The following RUSC2 variants were observed in gnomAD, a reference collection of about 807,000 sequenced individuals.
The protein encoded by RUSC2 is AP-4 complex accessory subunit RUSC2.
A neutral mutation model predicts 122.2 loss-of-function variants in RUSC2; 34 were observed. The observed-to-expected ratio is 0.28, with a 90% CI of 0.21 to 0.37. RUSC2 has a LOEUF of 0.37. RUSC2 is among the 10% of genes least tolerant of loss of function. The pLI, the probability that RUSC2 is intolerant of heterozygous loss-of-function variation, is 1.00. For missense variants in RUSC2, 1,747 were observed against 1,952.4 expected, an observed-to-expected ratio of 0.89 and a Z score of 1.98; for synonymous variants, 784 against 790.0, an observed-to-expected ratio of 0.99 and a Z score of 0.13.
chr9:35,545,284 A>G (rs761574671), intron 1 of RUSC2, among the ~76,000 whole-genome samples: 11 of 152,246 alleles, frequency 7.2e-5, no homozygotes, highest in Non-Finnish European at 1.6e-4. Context: ...GTGAGTGAAA[A>G]GGAAATGATA....
chr9:35,503,051 A>G (rs1003810757), intron 1 of RUSC2, among the ~76,000 whole-genome samples: 2 of 151,990 alleles, frequency 1.3e-5, no homozygotes, highest in Non-Finnish European at 1.5e-5. Context: ...TAGTAGAGAT[A>G]GGGTTTCATC....
rs773057788 is a variant in RUSC2, at chr9:35,558,378, G to T, written c.3235+7G>T. 4 of 1,613,838 alleles carry T rather than the reference G, an allele frequency of 2.5e-6. No individual in the cohort carries two copies. On this transcript the variant is annotated splice_region_variant and intron_variant, in intron 7 of 11. Transcript: ENST00000361226. The surrounding 1 kb of genome is among the most constrained non-coding windows in gnomAD (Gnocchi z 4.3). ...GAGGCTTCCACACAGCTAGGTAGGT[G>T]CTGGGTGCCAAGACGGGGACCCAGG... is the stretch of plus-strand genomic sequence containing the variant.
chr9:35,549,162 A>G, intron 2 of RUSC2: 1 of 985,434 alleles, frequency 1.0e-6, no homozygotes, highest in Non-Finnish European at 1.2e-6. Flanking sequence ...GGCCATGGAT[A>G]GGGGCTGTAA....
intron 1 of RUSC2, among the ~76,000 whole-genome samples, chr9:35,495,655 C>T (rs1043521738): frequency 2.0e-5 from 3 of 152,018 alleles, no homozygotes; most frequent in African/African-American, 7.2e-5. Context: ...TGTTCAGGAT[C>T]CCTTAAGATT....
rs1311740790 is a variant in RUSC2 at position 35,546,707 on chromosome 9, T to A, written c.186T>A (p.Ala62=). ...AGCCCGATCAAGACCTAGGACAAGC[T>A]GACTCCCTGCTATTCAGCAGCCTGC... ...ITQPDQDLGQ[A]DSLLFSSLHS... The change falls in exon 2 of 12, where the codon GCT becomes GCA. Residue 62 remains alanine, a synonymous_variant. Coordinates refer to ENST00000361226, the MANE Select transcript of RUSC2 (RefSeq NM_014806.5). This position sits in a 1 kb window ranked among gnomAD's most constrained non-coding sequence, Gnocchi z 4.3. 1 of 1,561,402 alleles carries A rather than the reference T, an allele frequency of 6.4e-7. No homozygotes were observed. Among genetic ancestry groups the A allele is most frequent in the Non-Finnish European group, 8.7e-7 (1 of 1,154,362 alleles).
At chr9:35,552,686 T>C (rs1190440115) in intron 2 of RUSC2, among the ~76,000 whole-genome samples, 1 of 152,230 alleles carries the variant, frequency 6.6e-6, no homozygotes, top group Admixed American at 6.5e-5. Flanking sequence ...TCCATTGAGT[T>C]CTGGGTACCA....
At chr9:35,541,045 T>C (rs1821633025) in intron 1 of RUSC2, among the ~76,000 whole-genome samples, 1 of 152,092 alleles carries the variant, frequency 6.6e-6, no homozygotes, top group South Asian at 2.1e-4. Context: ...AGTATTATAA[T>C]AGGACAAGAG....
rs930356108 is a variant in RUSC2, at chr9:35,518,721, G to A, written c.-92-27709G>A. ...CAGATTTTCAAGGAATTTGATGTAC[G>A]TGCTAAAAACTATACAGATCGGTTG... On this transcript the variant is annotated intron_variant, in intron 1 of 11. Coordinates refer to ENST00000361226, the MANE Select transcript of RUSC2 (RefSeq NM_014806.5). Among the ~76,000 whole-genome samples, 8 of 152,128 alleles carry A rather than the reference G, an allele frequency of 5.3e-5. 1 individual carries two copies. The South Asian group carries it at 6.2e-4, about 12-fold the overall frequency.
In RUSC2 at chr9:35,561,114, G is replaced by A. The variant is rs755537691; in HGVS notation, c.4349+17G>A. ...TCCTCCGTGGTAAGCCTGGGGAAAC[G>A]GAAGGGCTGAGGGGGGCGGGGGGCT... On this transcript the variant is annotated intron_variant, in intron 11 of 11. Transcript: ENST00000361226. 2.0e-5 allele frequency: 32 copies of A among 1,613,662 alleles called. No individual in the cohort carries two copies. The highest frequency in any genetic ancestry group is 9.3e-5 in the African/African-American group (7 of 74,934).
chr9:35,491,065 T>C (rs544713329), intron 1 of RUSC2, among the ~76,000 whole-genome samples: 49 of 150,210 alleles, frequency 3.3e-4, no homozygotes, highest in African/African-American at 1.1e-3. Flanking sequence ...TACCACTATG[T>C]GAACAGTGTC....
At chr9:35,559,080 C>T (rs754562847) in intron 8 of RUSC2, 146 bp from the exon 9 acceptor site, 66 of 712,516 alleles carry the variant, frequency 9.3e-5, no homozygotes, top group Non-Finnish European at 1.4e-4. Flanking sequence ...CCACACATCC[C>T]CACTGACTTT....
At chr9:35,517,534 G>A (rs538751461) in intron 1 of RUSC2, among the ~76,000 whole-genome samples, 2 of 152,290 alleles carry the variant, frequency 1.3e-5, no homozygotes, top group Admixed American at 1.3e-4. Flanking sequence ...CTTTGTGGCT[G>A]CTAGATAGAC....
In RUSC2 at chr9:35,547,361, G is replaced by T; in HGVS notation, c.840G>T (p.Val280=). 6.2e-7 allele frequency: 1 copy of T among 1,614,150 alleles called. No individual in the cohort carries two copies. Residue 280 remains valine (V), a synonymous_variant, in exon 2 of 12, where the codon GTG becomes GTT. Transcript: ENST00000361226. This position sits in a 1 kb window ranked among gnomAD's most constrained non-coding sequence, Gnocchi z 4.6. ...CCTCCTGCAACAGTTCAGATGGTGT[G>T]CTGGTCACCTTCAGCACCCTCTACA... is the stretch of plus-strand genomic sequence containing the variant. ...SDSSCNSSDG[V]LVTFSTLYNK...
chr9:35,560,474 C>T lies in RUSC2; in HGVS notation c.3834C>T (p.Ser1278=). 1.2e-6 allele frequency: 2 copies of T among 1,614,200 alleles called. No individual in the cohort carries two copies. Among genetic ancestry groups the T allele is most frequent in the Non-Finnish European group, 1.7e-6 (2 of 1,180,008 alleles). Residue 1278 remains serine, a synonymous_variant, in exon 10 of 12, where the codon TCC becomes TCT. Transcript: ENST00000361226. ...AGWWYQLMQS[S]QVYIDGSIEG... Reference sequence around the variant, plus strand: ...GGTGGTACCAGCTCATGCAGAGCTCCCAGGTCTACATCGATGGCTCCATTG... The same window carrying T: ...GGTGGTACCAGCTCATGCAGAGCTCTCAGGTCTACATCGATGGCTCCATTG...
Position 35,556,462 on chromosome 9 carries a change from C to G in RUSC2, c.2983+14C>G, listed in dbSNP as rs954359921. 1 of 1,611,632 alleles carries G rather than the reference C, an allele frequency of 6.2e-7. No homozygotes were observed. Among genetic ancestry groups the G allele is most frequent in the Non-Finnish European group, 8.5e-7 (1 of 1,178,890 alleles). ...TTCAGAAAAAAGGTGCATACAACCCCCAGCTCAGGCCAGGGACTCTGCTGT... is the reference window on the plus strand; with the variant it reads ...TTCAGAAAAAAGGTGCATACAACCCGCAGCTCAGGCCAGGGACTCTGCTGT... On this transcript the variant is annotated intron_variant, in intron 5 of 11. Transcript: ENST00000361226.
chr9:35,493,399 G>T (rs1820607069), intron 1 of RUSC2, among the ~76,000 whole-genome samples: 1 of 152,148 alleles, frequency 6.6e-6, no homozygotes, highest in African/African-American at 2.4e-5. Context: ...GGGTATTTAG[G>T]TTGATTCCGT....
chr9:35,556,238 C>A, intron 4 of RUSC2, 70 bp from the exon 5 acceptor site: 1 of 1,599,386 alleles, frequency 6.3e-7, no homozygotes, highest in South Asian at 1.1e-5. Flanking sequence ...TCAGACGGTA[C>A]GAGGCACTGA....
chr9:35,509,714 G>A (rs1255388256), intron 1 of RUSC2, among the ~76,000 whole-genome samples: 36 of 152,160 alleles, frequency 2.4e-4, no homozygotes, highest in Admixed American at 2.4e-3. Flanking sequence ...AAGGCAATAG[G>A]AGGGATTCAG....
intron 1 of RUSC2, among the ~76,000 whole-genome samples, chr9:35,522,942 G>A (rs1414896497): frequency 2.0e-5 from 3 of 152,212 alleles, no homozygotes; most frequent in African/African-American, 7.2e-5. Flanking sequence ...TGTCCCTGGT[G>A]TACTGAGGTG....
Sources: gnomAD v4.1 joint callset for allele counts (sites outside exome capture counted in the v4.1 genomes callset) on GRCh38, gnomAD v4.1.1 for gene constraint, Gnocchi (gnomAD v3.1) non-coding constraint, MANE v1.5 for transcripts, NCBI Gene and HGNC (gene_info 2026-07-23, HGNC 2026-07-21) for gene names.